MGAT1: variants seen among roughly 807,000 people sequenced by gnomAD.
MGAT1 encodes the protein N-glycosyl-oligosaccharide-glycoprotein N-acetylglucosaminyltransferase I.
MGAT1 carries 14 observed loss-of-function variants against 31.7 expected under a neutral mutation model. The ratio of observed to expected loss-of-function variants is 0.44; its 90% confidence interval spans 0.29 to 0.69. The LOEUF (loss-of-function observed/expected upper bound fraction) is 0.69. MGAT1 is among the 30% of genes least tolerant of loss of function. The pLI is 0.12. For synonymous variants in MGAT1, 338 were observed against 276.0 expected (o/e 1.22, Z -2.23); for missense variants, 557 against 626.0 (o/e 0.89, Z 1.18).
rs963630123 is a variant in MGAT1 at position 180,791,416 on chromosome 5, C to T, written c.*218G>A. On this transcript the variant is annotated 3_prime_UTR_variant, in exon 2 of 2. Transcript: ENST00000307826. ...ACACAGTGGTTTCCTGCTTAATACC[C>T]CGCAACATACCCTAGAATAGTTCCC... is the stretch of plus-strand genomic sequence containing the variant. 2.3e-5 allele frequency: 15 copies of T among 643,760 alleles called. No homozygotes were observed. In the African/African-American group the frequency reaches 2.4e-4, roughly 10 times the overall value. 39.9% of individuals were successfully genotyped at this position (643,760 alleles called of 1,614,324 possible).
At position 180,813,784 on chromosome 5, in the gene MGAT1, T is replaced by C. The variant is rs144789361; in HGVS notation, c.-546+1630A>G. ...ATCTCCATCAGAAGCAGCAGTAAAA[T>C]GGCCTCTGCTGTCTTCTGCCTTTCA... On this transcript the variant is annotated intron_variant, in intron 1 of 2. Coordinates refer to the MGAT1 transcript ENST00000333055. Among the ~76,000 whole-genome samples, 67 of 152,310 alleles carry C rather than the reference T, an allele frequency of 4.4e-4. No homozygotes were observed. The East Asian group carries it at 0.011, about 26-fold the overall frequency.
Position 180,791,692 on chromosome 5 carries a change from C to T in MGAT1, c.1280G>A (p.Arg427His), listed in dbSNP as rs143669018. Residue 427 changes from arginine (R) to histidine (H), a missense_variant, in exon 2 of 2, where the codon CGC (arginine) becomes CAC (histidine). Physicochemically the swap from Arg to His is conservative, Grantham distance 29. Around this residue, in one of 3 missense-constraint regions of MGAT1, gnomAD observed 145 missense variants for 143.2 expected, o/e 1.01. Transcript: ENST00000307826. ...CAGTGGGGGCGCCAGGTGGACACGG[C>T]GGCCCCGGAACTGGAAGGTGACAAT... Reference protein sequence around the residue: ...RGIVTFQFRGRRVHLAPPLTW... With the variant: ...RGIVTFQFRGHRVHLAPPLTW... The T allele has an allele frequency of 9.3e-6, 15 of 1,613,742 alleles. No individual in the cohort carries two copies. The highest frequency in any genetic ancestry group is 3.3e-5 in the South Asian group (3 of 91,086).
rs1312665793 is a variant in MGAT1, at chr5:180,789,691, G to A, written c.*1943C>T. 6.6e-6 allele frequency: 1 copy of A among 152,232 alleles called. No individual in the cohort carries two copies. Among genetic ancestry groups the A allele is most frequent in the African/African-American group, 2.4e-5 (1 of 41,446 alleles). 9.4% of individuals were successfully genotyped at this position (152,232 alleles called of 1,614,324 possible). On this transcript the variant is annotated 3_prime_UTR_variant, in exon 2 of 2. Coordinates refer to ENST00000307826, the MANE Select transcript of MGAT1 (RefSeq NM_002406.4). ...CGCCCAGGCTGGAGTGCAGTGGTATGATCTTGGATTACTGCAACCTCTGCC... is the reference window on the plus strand; with the variant it reads ...CGCCCAGGCTGGAGTGCAGTGGTATAATCTTGGATTACTGCAACCTCTGCC...
upstream of MGAT1, among the ~76,000 whole-genome samples, chr5:180,806,050 A>T (rs1175891652): frequency 6.6e-6 from 1 of 152,102 alleles, no homozygotes; most frequent in Non-Finnish European, 1.5e-5. Context: ...CACTTTGGGA[A>T]GCTAAGGCAG....
At chr5:180,801,631 G>A (rs1055467160) in intron 1 of MGAT1, among the ~76,000 whole-genome samples, 1 of 152,236 alleles carries the variant, frequency 6.6e-6, no homozygotes, top group Admixed American at 6.5e-5. Flanking sequence ...CATGAGGCCT[G>A]GGATTCAGGC....
In MGAT1 at chr5:180,791,805, C is replaced by G; in HGVS notation, c.1167G>C (p.Thr389=). The change falls in exon 2 of 2, where the codon ACG becomes ACC. Residue 389 remains threonine, a synonymous_variant. Transcript: ENST00000307826. ...KELGEVRVQY[T]GRDSFKAFAK... ...CGAAAGCCTTGAAGCTGTCCCTGCC[C>G]GTATACTGCACCCGCACCTCCCCCA... The G allele has an allele frequency of 6.2e-7, 1 of 1,614,188 alleles. No individual in the cohort carries two copies. The highest frequency in any genetic ancestry group is 8.5e-7 in the Non-Finnish European group (1 of 1,180,014).
intron 1 of MGAT1, among the ~76,000 whole-genome samples, chr5:180,812,475 C>T (rs568245823): frequency 3.1e-4 from 47 of 152,150 alleles, no homozygotes; most frequent in African/African-American, 1.0e-3. Flanking sequence ...AATTTGTCTC[C>T]TGTCCCCCTC....
At position 180,788,633 on chromosome 5, in the gene MGAT1, T is replaced by C. The variant is rs1767743208; in HGVS notation, c.*3001A>G. ...CCACCGCCTAGGCTTGCTCTGAGGA[T>C]CAAGTAAGTTGGTACTTATCCTGGA... is the stretch of plus-strand genomic sequence containing the variant. On this transcript the variant is annotated 3_prime_UTR_variant, in exon 2 of 2. Coordinates refer to ENST00000307826, the MANE Select transcript of MGAT1 (RefSeq NM_002406.4). The C allele has an allele frequency of 6.6e-6, 1 of 152,262 alleles. No individual in the cohort carries two copies. The highest frequency in any genetic ancestry group is 6.5e-5 in the Admixed American group (1 of 15,290). The allele number at this position is 152,262 out of a possible 1,614,324, so 9.4% of individuals were successfully genotyped here.
chr5:180,797,226 A>G (rs557703595), intron 1 of MGAT1, among the ~76,000 whole-genome samples: 151 of 152,104 alleles, frequency 9.9e-4, no homozygotes, highest in African/African-American at 3.5e-3. Context: ...GCGAAACCCC[A>G]TCTCTACTAA....
intron 1 of MGAT1, among the ~76,000 whole-genome samples, chr5:180,814,029 C>A (rs1283949648): frequency 6.6e-6 from 1 of 152,220 alleles, no homozygotes; most frequent in Admixed American, 6.5e-5. Flanking sequence ...TAAAAGTCTT[C>A]CCCAGTAACC....
At chr5:180,794,978 AGAATG>A (rs1204397011) in intron 1 of MGAT1, among the ~76,000 whole-genome samples, 1 of 152,260 alleles carries the variant, frequency 6.6e-6, no homozygotes, top group African/African-American at 2.4e-5. Context: ...GTTTACTCAT[AGAATG>A]GAATAATATT....
chr5:180,791,848 G>C lies in MGAT1; in HGVS notation c.1124C>G (p.Thr375Ser), dbSNP rs1455601835. The C allele has an allele frequency of 6.2e-7, 1 of 1,614,204 alleles. No homozygotes were observed. Among genetic ancestry groups the C allele is most frequent in the Non-Finnish European group, 8.5e-7 (1 of 1,180,048 alleles). ...CTCCCCCAGCTCCTTCCGGTCATTG[G>C]TCCTCACTTTCTCCACCTGCAGCTG... Reference protein sequence around the residue: ...APQLQVEKVRTNDRKELGEVR... With the variant: ...APQLQVEKVRSNDRKELGEVR... The change falls in exon 2 of 2, where the codon ACC (threonine) becomes AGC (serine). Residue 375 changes from threonine to serine, a missense_variant. Physicochemically the swap from Thr to Ser is moderately conservative, Grantham distance 58. Coordinates refer to ENST00000307826, the MANE Select transcript of MGAT1 (RefSeq NM_002406.4).
chr5:180,809,836 T>A (rs1581923779), intron 1 of MGAT1: 1 of 130,906 alleles, frequency 7.6e-6, no homozygotes, highest in South Asian at 2.2e-4. Context: ...ACACACACTC[T>A]CTCTCTCCTT....
In MGAT1 at chr5:180,792,549, C is replaced by T. The variant is rs1232534939; in HGVS notation, c.423G>A (p.Gln141=). Residue 141 remains glutamine (Q), a synonymous_variant, in exon 2 of 2, where the codon CAG becomes CAA. Coordinates refer to ENST00000307826, the MANE Select transcript of MGAT1 (RefSeq NM_002406.4). ...SAELFPIIVS[Q]DCGHEETAQA... ...GGGCCGTCTCCTCGTGCCCGCAGTC[C>T]TGGCTAACGATGATGGGGAAGAGCT... The T allele has an allele frequency of 1.2e-6, 2 of 1,612,924 alleles. No individual in the cohort carries two copies. Among genetic ancestry groups the T allele is most frequent in the African/African-American group, 1.3e-5 (1 of 75,056 alleles).
At chr5:180,802,072 G>A (rs1249811841) in intron 1 of MGAT1, among the ~76,000 whole-genome samples, 1 of 152,160 alleles carries the variant, frequency 6.6e-6, no homozygotes, top group East Asian at 1.9e-4. Context: ...CAAAACGGCA[G>A]ACCCACTACA....
In MGAT1 at chr5:180,793,068, G is replaced by A; in HGVS notation, c.-97C>T. 7.0e-7 allele frequency: 1 copy of A among 1,423,364 alleles called. No individual in the cohort carries two copies. The highest frequency in any genetic ancestry group is 1.3e-5 in the South Asian group (1 of 74,602). The allele number at this position is 1,423,364 out of a possible 1,614,324, so 88.2% of individuals were successfully genotyped here. On this transcript the variant is annotated 5_prime_UTR_variant, in exon 2 of 2. Transcript: ENST00000307826. ...CCGCAGTCCTAGGGATGCCTCCTCT[G>A]GACTATGGGATTAGGAGGCAGCCAT...
chr5:180,810,280 C>A (rs144259137), intron 1 of MGAT1: 1 of 152,456 alleles, frequency 6.6e-6, no homozygotes, highest in Non-Finnish European at 1.5e-5. Context: ...TACCCAACGT[C>A]CCCAGCCCGT....
Position 180,787,894 on chromosome 5 carries a change from A to T in MGAT1, c.*3740T>A, listed in dbSNP as rs59940151. On this transcript the variant is annotated 3_prime_UTR_variant, in exon 2 of 2. Coordinates refer to ENST00000307826, the MANE Select transcript of MGAT1 (RefSeq NM_002406.4). ...TCCCACCAGTGACCCAGGTAAGAGG[A>T]TTGCAAAGGCCAAGAGGCTTGAGGA... is the stretch of plus-strand genomic sequence containing the variant. The T allele has an allele frequency of 0.014, 2,178 of 152,532 alleles. 56 individuals are homozygous for T. The highest frequency in any genetic ancestry group is 0.05 in the African/African-American group (2,082 of 41,566). The allele number at this position is 152,532 out of a possible 1,614,324, so 9.4% of individuals were successfully genotyped here. A position where few individuals can be genotyped will look rare whatever the true frequency, so the allele number is the denominator to read the frequency against.
chr5:180,801,116 A>G (rs994195414), intron 1 of MGAT1, among the ~76,000 whole-genome samples: 2 of 152,238 alleles, frequency 1.3e-5, no homozygotes, highest in Non-Finnish European at 2.9e-5. Flanking sequence ...CAGTTTCTGA[A>G]GCATTTGAAG....
Sources: gnomAD v4.1 joint callset for allele counts (sites outside exome capture counted in the v4.1 genomes callset) on GRCh38, gnomAD v4.1.1 for gene constraint, gnomAD v4.1.1 regional missense constraint, MANE v1.5 for transcripts, NCBI Gene and HGNC (gene_info 2026-07-23, HGNC 2026-07-21) for gene names.